NCALD: variants seen among roughly 807,000 people sequenced by gnomAD.
NCALD encodes neurocalcin-delta.
A neutral mutation model predicts 18.6 loss-of-function variants in NCALD; 10 were observed. The ratio of observed to expected loss-of-function variants is 0.54; its 90% CI spans 0.33 to 0.91. NCALD has a LOEUF of 0.91. Among genes scored for constraint, NCALD ranks in the 40% least tolerant of loss-of-function variants. NCALD has a pLI of 0.03. For synonymous variants in NCALD, 88 were observed against 87.4 expected (o/e 1.01, Z -0.04); for missense variants, 184 against 247.6 (o/e 0.74, Z 1.72).
intron 2 of NCALD, among the ~76,000 whole-genome samples, chr8:101,927,258 G>C (rs1563903596): frequency 6.6e-6 from 1 of 152,264 alleles, no homozygotes; most frequent in East Asian, 1.9e-4. Context: ...GTCAGCCTCT[G>C]TGCCAGGCAC....
chr8:101,779,318 T>C (rs973234993), intron 1 of NCALD, among the ~76,000 whole-genome samples: 12 of 152,122 alleles, frequency 7.9e-5, no homozygotes, highest in East Asian at 5.8e-4. Context: ...GAGGGCTTAG[T>C]AGAGAGCATC....
intron 1 of NCALD, among the ~76,000 whole-genome samples, chr8:102,111,392 T>C (rs1825634014): frequency 6.6e-6 from 1 of 150,510 alleles, no homozygotes; most frequent in South Asian, 2.1e-4. Context: ...TGAGAAAATT[T>C]AGATCATATG....
At chr8:102,096,251 T>A (rs1825094429) in intron 1 of NCALD, among the ~76,000 whole-genome samples, 1 of 152,228 alleles carries the variant, frequency 6.6e-6, no homozygotes, top group Non-Finnish European at 1.5e-5. Flanking sequence ...TGGTTTCTTC[T>A]AAGGCCTCTC....
chr8:101,692,139 A>G (rs1814757744), intron 3 of NCALD: 2 of 984,662 alleles, frequency 2.0e-6, no homozygotes, highest in Non-Finnish European at 2.4e-6. Flanking sequence ...CCTGTATTCT[A>G]TCTGGCAATT....
chr8:101,706,070 A>G lies in NCALD; in HGVS notation c.379-13174T>C, dbSNP rs139295400. Among the ~76,000 whole-genome samples, 576 of 152,320 alleles carry G rather than the reference A, an allele frequency of 3.8e-3. 2 individuals are homozygous for G. The highest frequency in any genetic ancestry group is 5.4e-3 in the Non-Finnish European group (369 of 68,030). ...GGCCTCTTTGGAGGGAGTCATCTGA[A>G]ACTGCCTTTTGCAGAGCACTTCACA... On this transcript the variant is annotated intron_variant, in intron 2 of 3. Transcript: ENST00000220931.
intron 1 of NCALD, among the ~76,000 whole-genome samples, chr8:102,088,969 C>A (rs1016498591): frequency 6.6e-6 from 1 of 152,160 alleles, no homozygotes; most frequent in Non-Finnish European, 1.5e-5. Flanking sequence ...GATCCAGAAT[C>A]TGATATAAAA....
chr8:101,755,842 A>G lies in NCALD; in HGVS notation c.-20+35020T>C, dbSNP rs368273214. Among the ~76,000 whole-genome samples, 95 of 152,328 alleles carry G rather than the reference A, an allele frequency of 6.2e-4. 1 individual carries two copies. The South Asian group carries it at 0.019, about 31-fold the overall frequency. On this transcript the variant is annotated intron_variant, in intron 1 of 3. Transcript: ENST00000220931. ...CTGTGTGAATATGTATGCATTGTGA[A>G]TGTGGGGACACACAGTAAATCAGAT...
At chr8:101,988,088 G>C (rs1820885227) in intron 2 of NCALD, among the ~76,000 whole-genome samples, 1 of 150,546 alleles carries the variant, frequency 6.6e-6, no homozygotes, top group Non-Finnish European at 1.5e-5. Flanking sequence ...CCGGGAGGCG[G>C]AGCTTGCGGT....
intron 3 of NCALD, among the ~76,000 whole-genome samples, chr8:101,908,058 A>C (rs1817668244): frequency 6.6e-6 from 1 of 152,210 alleles, no homozygotes; most frequent in Non-Finnish European, 1.5e-5. Context: ...TGAGAGATCA[A>C]TCTTGTAAAC....
chr8:101,978,375 G>A (rs1161665920), intron 2 of NCALD, among the ~76,000 whole-genome samples: 6 of 152,268 alleles, frequency 3.9e-5, no homozygotes, highest in Admixed American at 6.5e-5. Flanking sequence ...TTACTGACAC[G>A]GATTAAGGGT....
chr8:101,819,720 C>T (rs761654609), intron 4 of NCALD, among the ~76,000 whole-genome samples: 71 of 152,134 alleles, frequency 4.7e-4, no homozygotes, highest in Admixed American at 1.2e-3. Flanking sequence ...AAGGAATGAA[C>T]TCATTTGCAG....
chr8:101,830,020 T>C (rs1216213052), intron 4 of NCALD, among the ~76,000 whole-genome samples: 1 of 144,980 alleles, frequency 6.9e-6, no homozygotes, highest in East Asian at 2.1e-4. Flanking sequence ...AAGAAGCTGC[T>C]AAATATTTAT....
intron 2 of NCALD, among the ~76,000 whole-genome samples, chr8:101,694,720 A>T (rs1586221376): frequency 6.6e-6 from 1 of 152,064 alleles, no homozygotes; most frequent in East Asian, 1.9e-4. Context: ...CCTCCTCATC[A>T]TGGTCCCCTG....
chr8:101,955,255 G>A (rs573801138), intron 2 of NCALD, among the ~76,000 whole-genome samples: 1 of 152,322 alleles, frequency 6.6e-6, no homozygotes, highest in East Asian at 1.9e-4. Context: ...GAAGGGGGGA[G>A]GACGTTGGCC....
intron 3 of NCALD, chr8:101,691,480 TCCCATCCTTCAGC>T (rs1343390325): frequency 1.0e-6 from 1 of 985,156 alleles, no homozygotes; most frequent in Non-Finnish European, 1.2e-6. Context: ...TCTGATCTTC[TCCCATCCTTCAGC>T]CCTATCCTGA....
intron 1 of NCALD, among the ~76,000 whole-genome samples, chr8:102,033,629 T>G (rs1406055941): frequency 2.6e-5 from 4 of 152,208 alleles, no homozygotes; most frequent in Non-Finnish European, 5.9e-5. Context: ...TAAGCCATTG[T>G]ACAAACAAAA....
chr8:101,855,711 G>T (rs574759334), intron 4 of NCALD, among the ~76,000 whole-genome samples: 2 of 152,106 alleles, frequency 1.3e-5, no homozygotes, highest in Non-Finnish European at 2.9e-5. Flanking sequence ...GGTGGAAAAT[G>T]ACATTATGGG....
At chr8:101,711,730 G>A (rs543173863) in intron 2 of NCALD, among the ~76,000 whole-genome samples, 24 of 151,962 alleles carry the variant, frequency 1.6e-4, no homozygotes, top group Admixed American at 7.2e-4. Flanking sequence ...AAAAAAGAAT[G>A]AAAAGGAACG....
chr8:101,909,885 T>A (rs1377642018), intron 3 of NCALD, among the ~76,000 whole-genome samples: 1 of 152,158 alleles, frequency 6.6e-6, no homozygotes, highest in African/African-American at 2.4e-5. Context: ...GGTAGACCCA[T>A]AGCAAGCAAC....
Sources: gnomAD v4.1 joint callset for allele counts (sites outside exome capture counted in the v4.1 genomes callset) on GRCh38, gnomAD v4.1.1 for gene constraint, MANE v1.5 for transcripts, NCBI Gene and HGNC (gene_info 2026-07-23, HGNC 2026-07-21) for gene names.